TMC1: variants seen among roughly 807,000 people sequenced by gnomAD.
The protein encoded by TMC1 is transmembrane channel like 1.
A neutral mutation model predicts 105.8 loss-of-function variants in TMC1; 84 were observed. That is an observed-to-expected ratio of 0.79 (90% confidence interval 0.67 to 0.95). TMC1 has a LOEUF of 0.95. Among genes scored for constraint, TMC1 ranks in the 40% least tolerant of loss-of-function variants. TMC1 has a pLI of 0.00. For synonymous variants in TMC1, 315 were observed against 311.5 expected, an observed-to-expected ratio of 1.01 and a Z score of -0.12; for missense variants, 817 against 914.1, an observed-to-expected ratio of 0.89 and a Z score of 1.37.
chr9:72,699,238 G>A (rs1439655644), intron 7 of TMC1, among the ~76,000 whole-genome samples: 2 of 152,022 alleles, frequency 1.3e-5, no homozygotes, highest in Non-Finnish European at 2.9e-5. Context: ...TAGTGTTTTC[G>A]TAATACTAGG....
intron 8 of TMC1, among the ~76,000 whole-genome samples, chr9:72,718,542 C>T (rs942014001): frequency 6.6e-6 from 1 of 152,188 alleles, no homozygotes; most frequent in Non-Finnish European, 1.5e-5. Flanking sequence ...TGCACAGAGT[C>T]CTGTGATGTG....
At chr9:72,770,385 T>TTATATA (rs35701289) in intron 12 of TMC1, among the ~76,000 whole-genome samples, 5 of 141,368 alleles carry the variant, frequency 3.5e-5, no homozygotes, top group Non-Finnish European at 6.0e-5. Flanking sequence ...ATATAAATCT[T>TTATATA]TATATATATA....
intron 8 of TMC1, among the ~76,000 whole-genome samples, chr9:72,730,901 G>A (rs191141370): frequency 2.0e-5 from 3 of 152,306 alleles, no homozygotes; most frequent in East Asian, 1.9e-4. Flanking sequence ...AATCTAATGT[G>A]ACTGCTGATC....
intron 2 of TMC1, among the ~76,000 whole-genome samples, chr9:72,600,725 G>A (rs1447909493): frequency 1.3e-5 from 2 of 152,112 alleles, no homozygotes; most frequent in African/African-American, 2.4e-5. Context: ...AAAAATTAAA[G>A]TTCTTAATGA....
At chr9:72,689,738 G>T (rs1019429268) in intron 6 of TMC1, among the ~76,000 whole-genome samples, 2 of 151,976 alleles carry the variant, frequency 1.3e-5, no homozygotes, top group Non-Finnish European at 2.9e-5. Context: ...AGCATATTTT[G>T]TCCGATGTAA....
chr9:72,716,538 T>C (rs1826922859), intron 8 of TMC1, among the ~76,000 whole-genome samples: 1 of 152,152 alleles, frequency 6.6e-6, no homozygotes, highest in Admixed American at 6.5e-5. Flanking sequence ...CAGTTTGAAC[T>C]TCCTGGCAAC....
At chr9:72,555,939 G>T (rs1475343766) in intron 1 of TMC1, among the ~76,000 whole-genome samples, 1 of 107,504 alleles carries the variant, frequency 9.3e-6, no homozygotes, top group Non-Finnish European at 1.7e-5. Context: ...ACTCTTAAAT[G>T]ATGTTACCCA....
At chr9:72,666,381 C>G (rs1260516552) in intron 5 of TMC1, among the ~76,000 whole-genome samples, 1 of 152,142 alleles carries the variant, frequency 6.6e-6, no homozygotes, top group Non-Finnish European at 1.5e-5. Context: ...AGAGGTGGTT[C>G]TAATCTAGCC....
intron 3 of TMC1, among the ~76,000 whole-genome samples, chr9:72,618,261 G>A (rs890303129): frequency 6.6e-6 from 1 of 151,822 alleles, no homozygotes; most frequent in African/African-American, 2.4e-5. Context: ...GACCTTAAGT[G>A]ATCCACCTAC....
At chr9:72,763,377 C>T (rs751308910) in intron 12 of TMC1, among the ~76,000 whole-genome samples, 2 of 151,884 alleles carry the variant, frequency 1.3e-5, no homozygotes, top group Admixed American at 6.6e-5. Flanking sequence ...ACATAAAGTC[C>T]GAGGGAGTAG....
intron 21 of TMC1, among the ~76,000 whole-genome samples, chr9:72,828,211 G>A (rs1001306795): frequency 7.2e-5 from 11 of 151,936 alleles, no homozygotes; most frequent in African/African-American, 2.7e-4. Flanking sequence ...TTGATAATGG[G>A]GTGCTATTAA....
At chr9:72,584,024 G>T (rs7031126) in intron 2 of TMC1, among the ~76,000 whole-genome samples, 68,375 of 151,962 alleles carry the variant, frequency 0.45, 17,428 homozygotes, top group African/African-American at 0.7. Context: ...TGGCAGGGGG[G>T]TTAATAATGT....
At position 72,816,151 on chromosome 9, in the gene TMC1, C is replaced by T; in HGVS notation, c.1704C>T (p.Tyr568=). Residue 568 remains tyrosine, a synonymous_variant, in exon 19 of 24, where the codon TAC becomes TAT. Coordinates refer to ENST00000297784, the MANE Select transcript of TMC1 (RefSeq NM_138691.3). Reference sequence around the variant, plus strand: ...CATTGTGTCTCCTCTAGCCTTCATACACCGAATTCGACATCAGTGGCAACG... The same window carrying T: ...CATTGTGTCTCCTCTAGCCTTCATATACCGAATTCGACATCAGTGGCAACG... The part of the protein sequence containing the change: ...CWDLEYGYPS[Y]TEFDISGNVL... 1 of 1,613,434 alleles carries T rather than the reference C, an allele frequency of 6.2e-7. No individual in the cohort carries two copies. The highest frequency in any genetic ancestry group is 1.7e-5 in the Admixed American group (1 of 59,988).
chr9:72,550,394 C>T (rs947373746), intron 1 of TMC1, among the ~76,000 whole-genome samples: 1 of 150,544 alleles, frequency 6.6e-6, no homozygotes, highest in Admixed American at 6.6e-5. Context: ...TCAAGGAACC[C>T]AGGAAGCAGA....
intron 18 of TMC1, among the ~76,000 whole-genome samples, chr9:72,811,172 C>T (rs548676035): frequency 7.2e-5 from 11 of 152,028 alleles, no homozygotes; most frequent in African/African-American, 1.4e-4. Context: ...CACTTCTGGA[C>T]GAAAATGTTA....
chr9:72,755,654 GA>G (rs1827666613), intron 12 of TMC1, among the ~76,000 whole-genome samples: 1 of 152,072 alleles, frequency 6.6e-6, no homozygotes, highest in Admixed American at 6.5e-5. Context: ...GACTAGACTA[GA>G]AATGTCTGGA....
chr9:72,704,631 C>T (rs1046655866), intron 8 of TMC1, among the ~76,000 whole-genome samples: 3 of 152,234 alleles, frequency 2.0e-5, no homozygotes, highest in East Asian at 1.9e-4. Flanking sequence ...AGAATTGGCT[C>T]TATACAGCTG....
At chr9:72,695,250 T>C (rs1826530493) in intron 7 of TMC1, among the ~76,000 whole-genome samples, 1 of 152,200 alleles carries the variant, frequency 6.6e-6, no homozygotes, top group South Asian at 2.1e-4. Context: ...CTAGCCCTTG[T>C]TACAGAGGAT....
chr9:72,711,142 C>T (rs1036349935), intron 8 of TMC1, among the ~76,000 whole-genome samples: 11 of 152,146 alleles, frequency 7.2e-5, no homozygotes, highest in Admixed American at 5.2e-4. Flanking sequence ...GTATATGTGC[C>T]ACATTTTCTT....
Sources: allele counts gnomAD v4.1 joint callset (sites outside exome capture counted in the v4.1 genomes callset), GRCh38; gene constraint gnomAD v4.1.1; transcripts MANE v1.5; gene names NCBI Gene and HGNC (gene_info 2026-07-23, HGNC 2026-07-21).